Variants in SPMIP4 observed in about 807,000 individuals in gnomAD.
The protein encoded by SPMIP4 is sperm-associated microtubule inner protein 4.
the SPMIP4 span, among the ~76,000 whole-genome samples, chr7:25,153,065 A>G: frequency 2.0e-5 from 3 of 152,116 alleles, no homozygotes; most frequent in Admixed American, 1.3e-4. Flanking sequence ...GTTCTAATAA[A>G]GAAGAATTAA....
At chr7:25,153,023 C>G in the SPMIP4 span, among the ~76,000 whole-genome samples, 3 of 152,002 alleles carry the variant, frequency 2.0e-5, no homozygotes, top group Non-Finnish European at 4.4e-5. Context: ...GGATTACAGG[C>G]ATGAGCCACC....
chr7:25,168,914 C>T, the SPMIP4 span, among the ~76,000 whole-genome samples: 1 of 151,648 alleles, frequency 6.6e-6, no homozygotes, highest in East Asian at 1.9e-4. Flanking sequence ...TTAGTAGAGA[C>T]GGGGGTCTCA....
chr7:25,162,793 A>T, the SPMIP4 span, among the ~76,000 whole-genome samples: 4 of 151,710 alleles, frequency 2.6e-5, no homozygotes, highest in Admixed American at 6.6e-5. Context: ...TTTTTTTGAG[A>T]TGGAGTCTTG....
chr7:25,168,137 C>T, the SPMIP4 span: 1 of 632,784 alleles, frequency 1.6e-6, no homozygotes, highest in Non-Finnish European at 2.6e-6. Context: ...TATTATTTCA[C>T]AATTAGAAAT....
chr7:25,169,087 C>T, the SPMIP4 span, among the ~76,000 whole-genome samples: 1 of 151,516 alleles, frequency 6.6e-6, no homozygotes, highest in East Asian at 2.0e-4. Context: ...CACAATTCAT[C>T]GATTTAAAGT....
At chr7:25,176,983 G>C in the SPMIP4 span, among the ~76,000 whole-genome samples, 3 of 152,242 alleles carry the variant, frequency 2.0e-5, no homozygotes, top group African/African-American at 7.2e-5. The surrounding 1 kb of genome is among the most constrained non-coding windows in gnomAD (Gnocchi z 4.4). Flanking sequence ...TGGGACAAGA[G>C]AATCTTCAGA....
the SPMIP4 span, among the ~76,000 whole-genome samples, chr7:25,171,146 T>C: frequency 3.3e-5 from 5 of 152,192 alleles, no homozygotes; most frequent in Non-Finnish European, 5.9e-5. Context: ...TGTCTCCAAG[T>C]CCCACCCCTT....
At chr7:25,147,420 G>A in the SPMIP4 span, among the ~76,000 whole-genome samples, 1 of 152,188 alleles carries the variant, frequency 6.6e-6, no homozygotes, top group Admixed American at 6.5e-5. Context: ...TAGCAGGAGA[G>A]GCCCCGAATA....
At chr7:25,166,029 G>A in the SPMIP4 span, among the ~76,000 whole-genome samples, 2 of 152,072 alleles carry the variant, frequency 1.3e-5, no homozygotes, top group African/African-American at 4.8e-5. Flanking sequence ...AGTAGCCTGA[G>A]AACATGAGCT....
the SPMIP4 span, among the ~76,000 whole-genome samples, chr7:25,155,562 A>G: frequency 1.3e-5 from 2 of 152,146 alleles, no homozygotes; most frequent in Admixed American, 6.5e-5. Flanking sequence ...TCTTATTTTA[A>G]GAGGCTCCCA....
the SPMIP4 span, among the ~76,000 whole-genome samples, chr7:25,169,926 C>A: frequency 6.6e-6 from 1 of 152,126 alleles, no homozygotes; most frequent in African/African-American, 2.4e-5. Flanking sequence ...AGATATATCA[C>A]GTTTTGTTTC....
At chr7:25,126,617 AT>A in the SPMIP4 span, among the ~76,000 whole-genome samples, 1 of 152,186 alleles carries the variant, frequency 6.6e-6, no homozygotes, top group Non-Finnish European at 1.5e-5. Flanking sequence ...TCTTGTTTCT[AT>A]TTATATATTA....
the SPMIP4 span, among the ~76,000 whole-genome samples, chr7:25,159,296 G>A: frequency 6.6e-6 from 1 of 152,160 alleles, no homozygotes; most frequent in African/African-American, 2.4e-5. Flanking sequence ...ATGTTGCCCG[G>A]TCAGCAGAGG....
chr7:25,172,544 C>A, the SPMIP4 span, among the ~76,000 whole-genome samples: 1 of 152,208 alleles, frequency 6.6e-6, no homozygotes, highest in Non-Finnish European at 1.5e-5. This position sits in a 1 kb window ranked among gnomAD's most constrained non-coding sequence, Gnocchi z 4.2. Context: ...ACCAGGCTCA[C>A]AAATGCTCTG....
At chr7:25,136,339 G>A in the SPMIP4 span, 3 of 1,614,186 alleles carry the variant, frequency 1.9e-6, no homozygotes, top group East Asian at 4.5e-5. The surrounding 1 kb of genome is among the most constrained non-coding windows in gnomAD (Gnocchi z 5.7). Flanking sequence ...ACGTAGGGGA[G>A]ATTTAAGATT....
chr7:25,144,961 T>G, the SPMIP4 span, among the ~76,000 whole-genome samples: 1 of 3,434 alleles, frequency 2.9e-4, no homozygotes, highest in East Asian at 3.0e-3. Flanking sequence ...AGAAGGACTG[T>G]TTTTTTTTTT....
At chr7:25,142,927 G>GT in the SPMIP4 span, 12,262 of 607,042 alleles carry the variant, frequency 0.02, 13 homozygotes, top group African/African-American at 0.03. Flanking sequence ...CGTCAGAATG[G>GT]TTTTTTTTTT....
chr7:25,151,250 T>G, the SPMIP4 span, among the ~76,000 whole-genome samples: 1 of 151,182 alleles, frequency 6.6e-6, no homozygotes, highest in African/African-American at 2.4e-5. Context: ...TTAAACAGAG[T>G]TCACTCTGTT....
At chr7:25,175,858 G>A in the SPMIP4 span, among the ~76,000 whole-genome samples, 1 of 152,182 alleles carries the variant, frequency 6.6e-6, no homozygotes, top group African/African-American at 2.4e-5. Context: ...ACCGTCCAGA[G>A]CCGTTCCATC....
Sources: allele counts gnomAD v4.1 joint callset (sites outside exome capture counted in the v4.1 genomes callset), GRCh38; gene constraint gnomAD v4.1.1; non-coding constraint Gnocchi (gnomAD v3.1); transcripts MANE v1.5; gene names NCBI Gene and HGNC (gene_info 2026-07-23, HGNC 2026-07-21).